The following IPO11 variants were observed in gnomAD, a reference collection of about 807,000 sequenced individuals.
IPO11 encodes the protein importin-11.
In IPO11, 66 loss-of-function variants were observed where a neutral mutation model predicts 143.2. The observed-to-expected ratio is 0.46, with a 90% CI of 0.38 to 0.57. The LOEUF is 0.57. Ranked by LOEUF, IPO11 falls within the 20% of genes least tolerant of loss-of-function variation. IPO11 has a pLI of 0.00. For synonymous variants in IPO11, 385 were observed against 377.8 expected, an observed-to-expected ratio of 1.02 and a Z score of -0.22; for missense variants, 1,026 against 1,141.0, an observed-to-expected ratio of 0.90 and a Z score of 1.45.
chr5:62,612,160 T>G (rs1419598206), intron 29 of IPO11, among the ~76,000 whole-genome samples: 1 of 152,180 alleles, frequency 6.6e-6, no homozygotes, highest in Non-Finnish European at 1.5e-5. Flanking sequence ...TCTGTTCTGG[T>G]GCTTGATTTT....
chr5:62,513,408 G>A (rs1413396007), intron 19 of IPO11, among the ~76,000 whole-genome samples: 4 of 116,104 alleles, frequency 3.4e-5, no homozygotes, highest in Non-Finnish European at 7.6e-5. Context: ...CCGGGAGGGG[G>A]CGCTGACCCC....
intron 27 of IPO11, among the ~76,000 whole-genome samples, chr5:62,570,768 A>G (rs1490613067): frequency 1.3e-5 from 2 of 152,228 alleles, no homozygotes; most frequent in African/African-American, 4.8e-5. Context: ...CTGTTTTCTT[A>G]TGTAACAGTC....
At chr5:62,434,554 C>G (rs1307703947) in intron 1 of IPO11, among the ~76,000 whole-genome samples, 1 of 152,090 alleles carries the variant, frequency 6.6e-6, no homozygotes, top group South Asian at 2.1e-4. Flanking sequence ...TCTGCCTCAG[C>G]CTCCCAAAGT....
chr5:62,452,372 G>C (rs190347642), intron 5 of IPO11, among the ~76,000 whole-genome samples: 1 of 151,362 alleles, frequency 6.6e-6, no homozygotes, highest in Non-Finnish European at 1.5e-5. Flanking sequence ...GCAGTGATAT[G>C]AATAAAAAGA....
chr5:62,439,038 G>A (rs1744345808), intron 2 of IPO11, among the ~76,000 whole-genome samples: 3 of 139,514 alleles, frequency 2.2e-5, no homozygotes, highest in East Asian at 2.1e-4. Flanking sequence ...CAACCTGGGC[G>A]ACAGAGTAAG....
chr5:62,435,017 G>A lies in IPO11; in HGVS notation c.-6-2257G>A, dbSNP rs572751011. ...TGTAGCCTAGGCAACAGAGTGAGAC[G>A]CTGTCTCAAAAAAAAAATATATATG... On this transcript the variant is annotated intron_variant, in intron 1 of 29. Coordinates refer to ENST00000325324, the MANE Select transcript of IPO11 (RefSeq NM_016338.5). 9.0e-5 allele frequency among the ~76,000 whole-genome samples: 13 copies of A among 145,224 alleles called. No homozygotes were observed. The South Asian group carries it at 2.1e-3, about 24-fold the overall frequency.
At chr5:62,477,178 TAGG>T (rs1049991790) in intron 9 of IPO11, among the ~76,000 whole-genome samples, 4 of 152,172 alleles carry the variant, frequency 2.6e-5, no homozygotes, top group Admixed American at 6.5e-5. Flanking sequence ...AGTGGAATTA[TAGG>T]GGGTGCGCTG....
At chr5:62,599,271 C>T (rs1017580269) in intron 28 of IPO11, among the ~76,000 whole-genome samples, 5 of 152,226 alleles carry the variant, frequency 3.3e-5, no homozygotes, top group African/African-American at 1.2e-4. Context: ...CTCCTGTGCA[C>T]ACAGATGGGC....
intron 29 of IPO11, among the ~76,000 whole-genome samples, chr5:62,620,517 T>TAAAA (rs71608518): frequency 8.5e-5 from 9 of 105,764 alleles, no homozygotes; most frequent in Non-Finnish European, 1.1e-4. Context: ...AGACTCTGTC[T>TAAAA]AAAAAAAAAA....
chr5:62,587,100 C>T (rs1053394275), intron 27 of IPO11, among the ~76,000 whole-genome samples: 2 of 151,638 alleles, frequency 1.3e-5, no homozygotes, highest in Non-Finnish European at 2.9e-5. Context: ...GCAGTTTCTT[C>T]TCATGCCATG....
chr5:62,460,745 C>T (rs1346773072), intron 5 of IPO11, among the ~76,000 whole-genome samples: 3 of 152,142 alleles, frequency 2.0e-5, no homozygotes, highest in Non-Finnish European at 4.4e-5. Context: ...GAACTAGTAC[C>T]TAACATGTTT....
At chr5:62,463,490 C>G (rs1280826140) in intron 5 of IPO11, among the ~76,000 whole-genome samples, 1 of 151,702 alleles carries the variant, frequency 6.6e-6, no homozygotes, top group Non-Finnish European at 1.5e-5. Flanking sequence ...ACAGTGAGAT[C>G]CTATCTCTAC....
At chr5:62,622,605 C>CT (rs1336830644) in intron 29 of IPO11, among the ~76,000 whole-genome samples, 2 of 152,056 alleles carry the variant, frequency 1.3e-5, no homozygotes, top group African/African-American at 4.8e-5. Context: ...GAAATAATTA[C>CT]TTTGTCTAAT....
chr5:62,601,161 C>G (rs1233081649), intron 28 of IPO11: 1 of 152,176 alleles, frequency 6.6e-6, no homozygotes, highest in Admixed American at 6.5e-5. Context: ...TTTCTGGTCT[C>G]CCTGGAACCA....
intron 27 of IPO11, among the ~76,000 whole-genome samples, chr5:62,566,744 A>C (rs1351077905): frequency 6.6e-6 from 1 of 152,098 alleles, no homozygotes; most frequent in Non-Finnish European, 1.5e-5. Context: ...TCTCAAAAAA[A>C]AAAAAAAAAG....
intron 5 of IPO11, 39 bp from the exon 6 acceptor site, chr5:62,467,091 AT>A (rs754745834): frequency 2.6e-6 from 4 of 1,564,722 alleles, no homozygotes; most frequent in Non-Finnish European, 3.5e-6. Context: ...ACTGAAATGT[AT>A]AATACACTAT....
At chr5:62,430,205 A>C (rs1477609991) in intron 1 of IPO11, among the ~76,000 whole-genome samples, 2 of 152,172 alleles carry the variant, frequency 1.3e-5, no homozygotes, top group Non-Finnish European at 2.9e-5. Flanking sequence ...CCAAAGGTAG[A>C]ATTGCTATGT....
At chr5:62,459,168 G>A (rs153869) in intron 5 of IPO11, among the ~76,000 whole-genome samples, 13,714 of 151,988 alleles carry the variant, frequency 0.09, 672 homozygotes, top group East Asian at 0.14. Flanking sequence ...GCATTAAGTG[G>A]CTGAAGAGAG....
At chr5:62,565,499 C>G (rs1200964985) in intron 27 of IPO11, among the ~76,000 whole-genome samples, 1 of 152,028 alleles carries the variant, frequency 6.6e-6, no homozygotes, top group Non-Finnish European at 1.5e-5. Context: ...AAAAACAAAA[C>G]AAAACAAAAC....
Sources: gnomAD v4.1 joint callset for allele counts (sites outside exome capture counted in the v4.1 genomes callset) on GRCh38, gnomAD v4.1.1 for gene constraint, MANE v1.5 for transcripts, NCBI Gene and HGNC (gene_info 2026-07-23, HGNC 2026-07-21) for gene names.